Variants in UNKL observed in about 807,000 individuals in gnomAD.
UNKL encodes the protein unk like zinc finger.
A neutral mutation model predicts 78.0 loss-of-function variants in UNKL; 60 were observed. That is an observed-to-expected ratio of 0.77 (90% CI 0.63 to 0.95). The LOEUF (loss-of-function observed/expected upper bound fraction) is 0.95, where lower values mean the gene tolerates loss of function less well. UNKL is among the 40% of genes least tolerant of loss of function. UNKL has a pLI of 0.00. For synonymous variants in UNKL, 608 were observed against 474.8 expected (o/e 1.28, Z -3.65); for missense variants, 1,159 against 1,045.7 (o/e 1.11, Z -1.49).
intron 9 of UNKL, among the ~76,000 whole-genome samples, chr16:1,389,057 C>A (rs1682925007): frequency 6.6e-6 from 1 of 152,064 alleles, no homozygotes; most frequent in Non-Finnish European, 1.5e-5. Flanking sequence ...TGCCCCCTCC[C>A]CCGGCCCCGG....
chr16:1,387,787 C>T lies in UNKL; in HGVS notation c.1087-2402G>A, dbSNP rs571949435. 7.9e-5 allele frequency among the ~76,000 whole-genome samples: 12 copies of T among 151,942 alleles called. No individual in the cohort carries two copies. Among genetic ancestry groups the T allele is most frequent in the Non-Finnish European group, 1.8e-4 (12 of 67,876 alleles). On this transcript the variant is annotated intron_variant, in intron 9 of 14. Transcript: ENST00000389221. The surrounding 1 kb of genome is among the most constrained non-coding windows in gnomAD (Gnocchi z 4.1). ...CACCGCCGCACGGCTGCCCGGCCTG[C>T]GGAAGCCCTCCCCCACCCCCGCCTC...
intron 12 of UNKL, 150 bp from the exon 13 acceptor site, chr16:1,368,008 T>G: frequency 1.5e-6 from 1 of 684,238 alleles, no homozygotes; most frequent in Non-Finnish European, 2.5e-6. Context: ...CGCCTGCCCC[T>G]TGCCCCACTC....
chr16:1,379,646 G>C (rs1355247529), intron 10 of UNKL: 24 of 984,452 alleles, frequency 2.4e-5, no homozygotes, highest in Non-Finnish European at 2.9e-5. Context: ...GCTGACTCAC[G>C]GTCCGCGGCC....
At position 1,391,121 on chromosome 16, in the gene UNKL, G is replaced by A. The variant is rs2037027005; in HGVS notation, c.1024-427C>T. Among the ~76,000 whole-genome samples, 6 of 151,794 alleles carry A rather than the reference G, an allele frequency of 4.0e-5. 1 individual carries two copies. The South Asian group carries it at 1.0e-3, about 26-fold the overall frequency. ...GCCAAGGTCATACCACCGCACTGCA[G>A]GCTGGGTGATAGAGTGAGACTCTGT... On this transcript the variant is annotated intron_variant, in intron 8 of 14. Coordinates refer to ENST00000389221, the MANE Select transcript of UNKL (RefSeq NM_001372107.1).
intron 14 of UNKL, 78 bp from the exon 15 acceptor site, chr16:1,366,473 G>A: frequency 2.7e-6 from 4 of 1,455,322 alleles, no homozygotes; most frequent in Non-Finnish European, 2.7e-6. Context: ...GGGCCTTCCG[G>A]GCAGGACTCA....
chr16:1,395,697 C>G, intron 6 of UNKL: 1 of 456,610 alleles, frequency 2.2e-6, no homozygotes, highest in Non-Finnish European at 4.4e-6. Context: ...TATGGTGCGG[C>G]TGTGGCCCAC....
At chr16:1,410,209 T>A (rs2037973466) in intron 2 of UNKL, among the ~76,000 whole-genome samples, 1 of 149,368 alleles carries the variant, frequency 6.7e-6, no homozygotes, top group African/African-American at 2.5e-5. Flanking sequence ...GAGGCTGCAG[T>A]GGGCTGTAAT....
intron 6 of UNKL, among the ~76,000 whole-genome samples, chr16:1,396,068 A>G (rs1787120111): frequency 6.6e-6 from 1 of 150,958 alleles, no homozygotes; most frequent in African/African-American, 2.4e-5. Context: ...TCAGCCTCCA[A>G]GTAGCTGAGA....
rs1023328887 is a variant in UNKL, at chr16:1,399,316, C to T, written c.734+58G>A. On this transcript the variant is annotated intron_variant, in intron 5 of 14. Coordinates refer to ENST00000389221, the MANE Select transcript of UNKL (RefSeq NM_001372107.1). The surrounding 1 kb of genome is among the most constrained non-coding windows in gnomAD (Gnocchi z 5.8). ...ACCCCGGGGTGGGCAACGCGAGCCA[C>T]GGGCCGGGAAGGACGCCCACCAGCC... 53 of 1,480,606 alleles carry T rather than the reference C, an allele frequency of 3.6e-5. No homozygotes were observed. The highest frequency in any genetic ancestry group is 1.9e-4 in the South Asian group (14 of 73,470). 91.7% of individuals were successfully genotyped at this position (1,480,606 alleles called of 1,614,324 possible).
chr16:1,398,961 C>G (rs1173224816), intron 5 of UNKL: 1 of 1,530,356 alleles, frequency 6.5e-7, no homozygotes, highest in East Asian at 2.5e-5. Flanking sequence ...CAAGATTGAG[C>G]CCAGGTGACG....
chr16:1,414,083 G>A (rs1236569250), intron 1 of UNKL, 28 bp from the exon 2 acceptor site: 1 of 1,520,758 alleles, frequency 6.6e-7, no homozygotes, highest in Admixed American at 2.0e-5. Context: ...GCCGCGGCTC[G>A]CTTCCGGCAG....
At chr16:1,391,026 G>A (rs899187774) in intron 8 of UNKL, among the ~76,000 whole-genome samples, 15 of 151,470 alleles carry the variant, frequency 9.9e-5, no homozygotes, top group Admixed American at 2.0e-4. Context: ...GTGAAACTCC[G>A]TCTCAAAAAA....
chr16:1,375,557 G>A (rs745677375), intron 10 of UNKL, among the ~76,000 whole-genome samples: 24 of 152,122 alleles, frequency 1.6e-4, no homozygotes, highest in African/African-American at 4.1e-4. Flanking sequence ...CGTCCGGGAC[G>A]GCACACGGCG....
rs56368160 is a variant in UNKL, at chr16:1,382,452, G to A, written c.1264+2756C>T. ...AAACGCAAACACTGCTTGCGCCTGT[G>A]CCCCTGCCCCCGCCCCGACCAAGCC... On this transcript the variant is annotated intron_variant, in intron 10 of 14. Coordinates refer to ENST00000389221, the MANE Select transcript of UNKL (RefSeq NM_001372107.1). Among the ~76,000 whole-genome samples the A allele has an allele frequency of 9.5e-3, 1,443 of 152,234 alleles. 29 individuals carry two copies. The highest frequency in any genetic ancestry group is 0.032 in the African/African-American group (1,336 of 41,514).
rs1007244878 is a variant in UNKL, at chr16:1,365,651, C to A, written c.*589G>T. The A allele has an allele frequency of 6.6e-6, 1 of 152,540 alleles. No individual in the cohort carries two copies. The highest frequency in any genetic ancestry group is 1.9e-4 in the East Asian group (1 of 5,206). The allele number at this position is 152,540 out of a possible 1,614,324, so 9.4% of individuals were successfully genotyped here. Reference sequence around the variant, plus strand: ...GAAAATGTAAAAATCCTAGGTCTTACTACTAGATAAACACTCATTTCATAA... The same window carrying A: ...GAAAATGTAAAAATCCTAGGTCTTAATACTAGATAAACACTCATTTCATAA... On this transcript the variant is annotated 3_prime_UTR_variant, in exon 15 of 15. Coordinates refer to ENST00000389221, the MANE Select transcript of UNKL (RefSeq NM_001372107.1).
chr16:1,371,268 G>A (rs1004814858), intron 11 of UNKL, among the ~76,000 whole-genome samples: 1 of 152,182 alleles, frequency 6.6e-6, no homozygotes, highest in Non-Finnish European at 1.5e-5. Context: ...GAGAGATGCT[G>A]AGGAGTCCAT....
intron 10 of UNKL, among the ~76,000 whole-genome samples, chr16:1,382,138 C>T (rs1470938706): frequency 6.6e-6 from 1 of 152,192 alleles, no homozygotes; most frequent in Non-Finnish European, 1.5e-5. Context: ...CACATGTGGG[C>T]TTGTTTCTGC....
chr16:1,364,358 G>T lies in UNKL; in HGVS notation c.*1882C>A, dbSNP rs529107932. On this transcript the variant is annotated 3_prime_UTR_variant, in exon 15 of 15. Transcript: ENST00000389221. Reference sequence around the variant, plus strand: ...TTCTAATTTGGTCACTGATGATAAAGATTTTTACCTAGACGTTTTGCACTT... The same window carrying T: ...TTCTAATTTGGTCACTGATGATAAATATTTTTACCTAGACGTTTTGCACTT... The T allele has an allele frequency of 5.3e-5, 8 of 152,332 alleles. No homozygotes were observed. Among genetic ancestry groups the T allele is most frequent in the African/African-American group, 1.9e-4 (8 of 41,578 alleles). The allele number at this position is 152,332 out of a possible 1,614,324, so 9.4% of individuals were successfully genotyped here. A position where few individuals can be genotyped will look rare whatever the true frequency, so the allele number is the denominator to read the frequency against.
intron 2 of UNKL, among the ~76,000 whole-genome samples, chr16:1,409,706 G>A (rs560305998): frequency 4.7e-4 from 71 of 152,070 alleles, no homozygotes; most frequent in African/African-American, 1.7e-3. Flanking sequence ...CTACAGCACT[G>A]TCCATCCCTG....
Sources: allele counts gnomAD v4.1 joint callset (sites outside exome capture counted in the v4.1 genomes callset), GRCh38; gene constraint gnomAD v4.1.1; non-coding constraint Gnocchi (gnomAD v3.1); transcripts MANE v1.5; gene names NCBI Gene and HGNC (gene_info 2026-07-23, HGNC 2026-07-21).